The following NR3C2 variants were observed in gnomAD, a reference collection of about 807,000 sequenced individuals.
The protein encoded by NR3C2 is nuclear receptor subfamily 3 group C member 2.
In NR3C2, 15 loss-of-function variants were observed where a neutral mutation model predicts 86.4. That is an observed-to-expected ratio of 0.17 (90% confidence interval 0.12 to 0.27). NR3C2 has a LOEUF of 0.27. NR3C2 is among the 10% of genes least tolerant of loss of function. NR3C2 has a pLI of 1.00. For synonymous variants in NR3C2, 458 were observed against 450.5 expected (o/e 1.02, Z -0.21); for missense variants, 960 against 1,195.6 (o/e 0.80, Z 2.91).
At position 148,384,776 on chromosome 4, in the gene NR3C2, C is replaced by A. The variant is rs75504829; in HGVS notation, c.1757+50328G>T. Among the ~76,000 whole-genome samples the A allele has an allele frequency of 1.0e-3, 159 of 152,144 alleles. 4 individuals are homozygous for A. In the East Asian group the frequency reaches 0.027, roughly 26 times the overall value. On this transcript the variant is annotated intron_variant, in intron 2 of 8. Coordinates refer to ENST00000358102, the MANE Select transcript of NR3C2 (RefSeq NM_000901.5). ...AATACAACCTTGAATTACTGTTTAC[C>A]ATATTTCTCTTCAAAATCAACTATA...
intron 3 of NR3C2, among the ~76,000 whole-genome samples, chr4:148,227,582 T>C (rs1457200319): frequency 6.6e-6 from 1 of 152,340 alleles, no homozygotes; most frequent in South Asian, 2.1e-4. Context: ...ATTATTACCA[T>C]GGTGATGGCC....
chr4:148,433,942 T>C (rs1245327567), intron 2 of NR3C2, among the ~76,000 whole-genome samples: 2 of 152,130 alleles, frequency 1.3e-5, no homozygotes, highest in African/African-American at 2.4e-5. Context: ...GTATCCTTTA[T>C]GAAATGTTTG....
At chr4:148,354,972 T>C (rs1745480855) in intron 2 of NR3C2, among the ~76,000 whole-genome samples, 1 of 152,058 alleles carries the variant, frequency 6.6e-6, no homozygotes, top group Non-Finnish European at 1.5e-5. Context: ...TTTATGCTAT[T>C]TAAAAAAAAT....
intron 4 of NR3C2, among the ~76,000 whole-genome samples, chr4:148,172,374 G>A (rs923051722): frequency 6.6e-6 from 1 of 152,110 alleles, no homozygotes; most frequent in African/African-American, 2.4e-5. Context: ...GGACTGAAGA[G>A]ATATAAGCCT....
At chr4:148,363,799 A>G (rs1198875717) in intron 2 of NR3C2, among the ~76,000 whole-genome samples, 4 of 152,150 alleles carry the variant, frequency 2.6e-5, no homozygotes, top group East Asian at 1.9e-4. Context: ...CACCGCGCCC[A>G]GCCGACTTTT....
At chr4:148,189,655 CT>C (rs1560968838) in intron 4 of NR3C2, among the ~76,000 whole-genome samples, 1 of 151,868 alleles carries the variant, frequency 6.6e-6, no homozygotes. Flanking sequence ...TGGTCCTGGA[CT>C]TTTTTTTGTT....
At chr4:148,430,508 C>A (rs1287452434) in intron 2 of NR3C2, among the ~76,000 whole-genome samples, 1 of 151,884 alleles carries the variant, frequency 6.6e-6, no homozygotes, top group Non-Finnish European at 1.5e-5. Flanking sequence ...AAATAATTTA[C>A]AAAAATATTT....
At chr4:148,396,836 C>T (rs374852808) in intron 2 of NR3C2, among the ~76,000 whole-genome samples, 27 of 152,272 alleles carry the variant, frequency 1.8e-4, no homozygotes, top group African/African-American at 6.0e-4. Context: ...CTTTTCTTTA[C>T]ACAGTAAGTA....
intron 2 of NR3C2, among the ~76,000 whole-genome samples, chr4:148,379,856 T>C (rs1264399061): frequency 1.4e-5 from 2 of 147,026 alleles, no homozygotes; most frequent in Admixed American, 1.3e-4. Flanking sequence ...TAAGTCCATA[T>C]TTCAGTTTCA....
At chr4:148,278,347 G>A (rs1231041669) in intron 2 of NR3C2, among the ~76,000 whole-genome samples, 1 of 152,224 alleles carries the variant, frequency 6.6e-6, no homozygotes, top group East Asian at 1.9e-4. Flanking sequence ...CGATCTGCCA[G>A]CCTTGGACTC....
At chr4:148,438,264 TC>T (rs1750171741) in intron 1 of NR3C2, among the ~76,000 whole-genome samples, 1 of 152,056 alleles carries the variant, frequency 6.6e-6, no homozygotes, top group Non-Finnish European at 1.5e-5. Context: ...GCATTCCACC[TC>T]CCCAGTTGTG....
At chr4:148,427,457 T>C (rs1417681604) in intron 2 of NR3C2, among the ~76,000 whole-genome samples, 3 of 151,886 alleles carry the variant, frequency 2.0e-5, no homozygotes, top group Non-Finnish European at 4.4e-5. Flanking sequence ...TGGTGGCTTA[T>C]AGTTGGGTCT....
rs576924430 is a variant in NR3C2 at position 148,081,202 on chromosome 4, C to T, written c.*142G>A. On this transcript the variant is annotated 3_prime_UTR_variant, in exon 9 of 9. Coordinates refer to ENST00000358102, the MANE Select transcript of NR3C2 (RefSeq NM_000901.5). ...AAAAACAGCTTTCCCGGCTCCAAAC[C>T]TCTGACATGACTTTAAACTTGAGAA... The T allele has an allele frequency of 2.4e-6, 3 of 1,234,412 alleles. No individual in the cohort carries two copies. Among genetic ancestry groups the T allele is most frequent in the Admixed American group, 4.0e-5 (2 of 50,384 alleles). 76.5% of individuals were successfully genotyped at this position (1,234,412 alleles called of 1,614,324 possible).
intron 3 of NR3C2, among the ~76,000 whole-genome samples, chr4:148,247,014 A>G (rs1579063104): frequency 1.3e-5 from 2 of 152,322 alleles, no homozygotes; most frequent in East Asian, 3.9e-4. Context: ...CCTTTTTAAA[A>G]TGTAATGTCA....
rs377619433 is a variant in NR3C2 at position 148,350,843 on chromosome 4, C to T, written c.1757+84261G>A. On this transcript the variant is annotated intron_variant, in intron 2 of 8. Transcript: ENST00000358102. The stretch of plus-strand genomic sequence containing the variant: ...TTATTGAGATGAAATAAATTAATAG[C>T]CCTCAATCTTGCATAAAATATCCTT... Among the ~76,000 whole-genome samples the T allele has an allele frequency of 6.6e-5, 10 of 152,222 alleles. No individual in the cohort carries two copies. The East Asian group carries it at 9.7e-4, about 15-fold the overall frequency.
intron 2 of NR3C2, among the ~76,000 whole-genome samples, chr4:148,341,382 C>T (rs1036918231): frequency 5.9e-5 from 9 of 152,060 alleles, no homozygotes; most frequent in Non-Finnish European, 1.0e-4. Flanking sequence ...TGTGTTCTCA[C>T]TCATATGTGG....
chr4:148,209,258 A>AG (rs1197995846), intron 3 of NR3C2, among the ~76,000 whole-genome samples: 46 of 152,168 alleles, frequency 3.0e-4, no homozygotes, highest in African/African-American at 1.0e-3. Context: ...AAAAAAAAAA[A>AG]AAAGAAAAAG....
At chr4:148,346,906 C>T (rs1745026206) in intron 2 of NR3C2, among the ~76,000 whole-genome samples, 1 of 152,002 alleles carries the variant, frequency 6.6e-6, no homozygotes, top group South Asian at 2.1e-4. Context: ...TAAAAAGAAG[C>T]ACTAATGAGA....
At chr4:148,190,621 G>T (rs1040711959) in intron 4 of NR3C2, among the ~76,000 whole-genome samples, 6 of 152,302 alleles carry the variant, frequency 3.9e-5, no homozygotes, top group Admixed American at 3.9e-4. Flanking sequence ...GTCTAGTGCT[G>T]TCAGTGGAGT....
Sources: gnomAD v4.1 joint callset for allele counts (sites outside exome capture counted in the v4.1 genomes callset) on GRCh38, gnomAD v4.1.1 for gene constraint, MANE v1.5 for transcripts, NCBI Gene and HGNC (gene_info 2026-07-23, HGNC 2026-07-21) for gene names.